The following ARG2 variants were observed in gnomAD, a reference collection of about 807,000 sequenced individuals.
ARG2 encodes the protein arginase-2, mitochondrial.
A neutral mutation model predicts 39.4 loss-of-function variants in ARG2; 21 were observed. The ratio of observed to expected loss-of-function variants is 0.53; its 90% CI spans 0.38 to 0.77. The LOEUF (loss-of-function observed/expected upper bound fraction) is 0.77. Among genes scored for constraint, ARG2 ranks in the 30% least tolerant of loss-of-function variants. ARG2 has a pLI of 0.00. For missense variants in ARG2, 378 were observed against 426.2 expected, an observed-to-expected ratio of 0.89 and a Z score of 1.00; for synonymous variants, 150 against 156.7, an observed-to-expected ratio of 0.96 and a Z score of 0.32.
intron 2 of ARG2, among the ~76,000 whole-genome samples, chr14:67,630,084 C>A (rs530525494): frequency 6.6e-6 from 1 of 152,132 alleles, no homozygotes; most frequent in Admixed American, 6.5e-5. Flanking sequence ...TTTTCCAGTT[C>A]GGGTAGGGAC....
At chr14:67,643,087 G>A (rs1270393615) in intron 3 of ARG2, among the ~76,000 whole-genome samples, 2 of 152,204 alleles carry the variant, frequency 1.3e-5, no homozygotes, top group Non-Finnish European at 2.9e-5. Context: ...ACAGGCATGA[G>A]CCACTGTGCC....
At chr14:67,625,850 G>T (rs932441186) in intron 2 of ARG2, among the ~76,000 whole-genome samples, 1 of 151,540 alleles carries the variant, frequency 6.6e-6, no homozygotes, top group South Asian at 2.1e-4. Flanking sequence ...AATAACAACC[G>T]TAAAAAGACA....
intron 2 of ARG2, among the ~76,000 whole-genome samples, chr14:67,624,184 G>C (rs781209240): frequency 6.6e-6 from 1 of 152,116 alleles, no homozygotes; most frequent in Non-Finnish European, 1.5e-5. Context: ...GTGAATTCTA[G>C]CCACCTGTTA....
chr14:67,639,437 G>A (rs1398982511), intron 2 of ARG2, among the ~76,000 whole-genome samples: 1 of 152,058 alleles, frequency 6.6e-6, no homozygotes, highest in Non-Finnish European at 1.5e-5. Flanking sequence ...ATTCCTTAGA[G>A]TGCAATTACC....
intron 2 of ARG2, among the ~76,000 whole-genome samples, chr14:67,631,749 G>A (rs963641870): frequency 3.9e-5 from 6 of 151,942 alleles, no homozygotes; most frequent in African/African-American, 1.5e-4. Flanking sequence ...TCTTTTTCTA[G>A]CTACTTCTTA....
intron 2 of ARG2, among the ~76,000 whole-genome samples, chr14:67,622,822 G>A (rs183730090): frequency 1.3e-5 from 2 of 152,160 alleles, no homozygotes; most frequent in Admixed American, 6.5e-5. Context: ...GACAAGAAGC[G>A]GTTTCAGCCT....
intron 2 of ARG2, among the ~76,000 whole-genome samples, chr14:67,623,980 A>G (rs1197517435): frequency 1.3e-5 from 2 of 152,116 alleles, no homozygotes; most frequent in Non-Finnish European, 2.9e-5. Context: ...AGCTGGGACT[A>G]CAGACACATG....
intron 2 of ARG2, among the ~76,000 whole-genome samples, chr14:67,632,771 CTT>C (rs56793050): frequency 0.14 from 18,125 of 126,008 alleles, 1,141 homozygotes; most frequent in East Asian, 0.16. Context: ...AGGGAGGTCT[CTT>C]TCTTTATTTT....
intron 1 of ARG2, 68 bp from the exon 2 acceptor site, chr14:67,620,826 A>G: frequency 6.5e-7 from 1 of 1,540,776 alleles, no homozygotes; most frequent in Non-Finnish European, 9.0e-7. Context: ...CTGGGAACTA[A>G]ATGTACCAAA....
At chr14:67,642,801 T>C (rs1002044435) in intron 3 of ARG2, among the ~76,000 whole-genome samples, 2 of 123,198 alleles carry the variant, frequency 1.6e-5, no homozygotes, top group South Asian at 3.1e-4. Flanking sequence ...TTCTTTTTTT[T>C]TTTTTTTTTT....
intron 2 of ARG2, among the ~76,000 whole-genome samples, chr14:67,632,710 G>C (rs2036930003): frequency 6.7e-6 from 1 of 149,830 alleles, no homozygotes; most frequent in South Asian, 2.1e-4. Flanking sequence ...TCATTATGAA[G>C]ATTCACATAA....
intron 2 of ARG2, among the ~76,000 whole-genome samples, chr14:67,633,329 TTC>T (rs2036938170): frequency 1.3e-5 from 2 of 152,188 alleles, no homozygotes. Context: ...TCTGCAGAAT[TTC>T]TCTGTTTAGA....
intron 2 of ARG2, among the ~76,000 whole-genome samples, chr14:67,624,222 T>C (rs998353162): frequency 2.6e-5 from 4 of 152,186 alleles, no homozygotes; most frequent in Non-Finnish European, 2.9e-5. Context: ...GGCCTTGTAC[T>C]CTTTTCTCCA....
intron 3 of ARG2, among the ~76,000 whole-genome samples, 166 bp from the exon 4 acceptor site, chr14:67,645,477 A>C (rs150452724): frequency 1.0e-3 from 154 of 152,290 alleles, no homozygotes; most frequent in African/African-American, 3.5e-3. Flanking sequence ...CTCAAGATTA[A>C]TTTTTGAGAA....
chr14:67,620,813 C>T (rs2036801586), intron 1 of ARG2, 81 bp from the exon 2 acceptor site: 1 of 1,421,598 alleles, frequency 7.0e-7, no homozygotes, highest in Non-Finnish European at 9.9e-7. Context: ...TCAGAGGAAC[C>T]TGCTGGGAAC....
At position 67,650,909 on chromosome 14, in the gene ARG2, G is replaced by T. The variant is rs200608161; in HGVS notation, c.1054G>T (p.Val352Leu). 80 of 1,614,046 alleles carry T rather than the reference G, an allele frequency of 5.0e-5. 1 individual carries two copies. In the African/African-American group the frequency reaches 9.6e-4, roughly 19 times the overall value. The change falls in exon 8 of 8, where the codon GTG (valine) becomes TTG (leucine). Residue 352 changes from valine to leucine, a missense_variant. Val to Leu is a conservative substitution (Grantham distance 32, BLOSUM62 1). Coordinates refer to ENST00000261783, the MANE Select transcript of ARG2 (RefSeq NM_001172.4). ...AGATGAATCAGAAAATCAAGCACGT[G>T]TGAGAATTTAGGAGACACTGTGCAC... Reference protein sequence around the residue: ...SPDESENQARVRI With the variant: ...SPDESENQARLRI
chr14:67,649,503 A>ATAAG (rs2037144989), intron 7 of ARG2: 1 of 152,208 alleles, frequency 6.6e-6, no homozygotes, highest in South Asian at 2.1e-4. Context: ...GTCTGGAAAC[A>ATAAG]TAAGTCATGT....
At chr14:67,642,833 G>A (rs2037052027) in intron 3 of ARG2, among the ~76,000 whole-genome samples, 1 of 100,948 alleles carries the variant, frequency 9.9e-6, no homozygotes, top group Non-Finnish European at 1.8e-5. Context: ...GATAGGGTCT[G>A]GCTCTGTTGC....
chr14:67,636,082 G>T (rs2036968916), intron 2 of ARG2, among the ~76,000 whole-genome samples: 1 of 151,948 alleles, frequency 6.6e-6, no homozygotes, highest in African/African-American at 2.4e-5. Context: ...TGGAAAAACT[G>T]CACACTAAGA....
Sources: gnomAD v4.1 joint callset for allele counts (sites outside exome capture counted in the v4.1 genomes callset) on GRCh38, gnomAD v4.1.1 for gene constraint, MANE v1.5 for transcripts, NCBI Gene and HGNC (gene_info 2026-07-23, HGNC 2026-07-21) for gene names.